The following RAB33B variants were observed in gnomAD, a reference collection of about 807,000 sequenced individuals.
RAB33B encodes ras-related protein Rab-33B.
RAB33B carries 6 observed loss-of-function variants against 15.0 expected under a neutral mutation model. The observed-to-expected ratio is 0.40, with a 90% confidence interval of 0.22 to 0.79. The LOEUF (loss-of-function observed/expected upper bound fraction) is 0.79. Ranked by LOEUF, RAB33B falls within the 30% of genes least tolerant of loss-of-function variation. The pLI, the probability that RAB33B is intolerant of heterozygous loss-of-function variation, is 0.37. For missense variants in RAB33B, 257 were observed against 296.4 expected, an observed-to-expected ratio of 0.87 and a Z score of 0.98; for synonymous variants, 117 against 108.3, an observed-to-expected ratio of 1.08 and a Z score of -0.50.
At chr4:139,472,653 T>C (rs1271557649) in intron 1 of RAB33B, 33 bp from the exon 2 acceptor site, 2 of 1,488,338 alleles carry the variant, frequency 1.3e-6, no homozygotes, top group Non-Finnish European at 1.8e-6. Context: ...GGAATGGGAT[T>C]TTCAGTTTTC....
chr4:139,476,010 A>G lies in RAB33B; in HGVS notation c.*2884A>G, dbSNP rs1750495692. On this transcript the variant is annotated 3_prime_UTR_variant, in exon 2 of 2. Coordinates refer to ENST00000305626, the MANE Select transcript of RAB33B (RefSeq NM_031296.3). ...GTTTCCAGATAATATTATATATATG[A>G]TACACTTTTGAAAACAACAAAAAGC... The G allele has an allele frequency of 6.6e-6, 1 of 152,190 alleles. No individual in the cohort carries two copies. Among genetic ancestry groups the G allele is most frequent in the African/African-American group, 2.4e-5 (1 of 41,446 alleles). 9.4% of individuals were successfully genotyped at this position (152,190 alleles called of 1,614,324 possible). A position where few individuals can be genotyped will look rare whatever the true frequency, so the allele number is the denominator to read the frequency against.
chr4:139,460,594 A>G (rs1750153809), intron 1 of RAB33B, among the ~76,000 whole-genome samples: 1 of 152,218 alleles, frequency 6.6e-6, no homozygotes, highest in South Asian at 2.1e-4. Flanking sequence ...TTGATACTTT[A>G]TTTCTTAAAA....
chr4:139,438,484 T>C, the RAB33B span, among the ~76,000 whole-genome samples: 17 of 152,138 alleles, frequency 1.1e-4, 1 homozygote, highest in Admixed American at 6.5e-5. Flanking sequence ...AAAGACTAGA[T>C]AGGCATGTAC....
At chr4:139,460,993 G>T (rs1209368812) in intron 1 of RAB33B, among the ~76,000 whole-genome samples, 4 of 152,200 alleles carry the variant, frequency 2.6e-5, no homozygotes, top group Non-Finnish European at 4.4e-5. Flanking sequence ...GGTGAGAAGA[G>T]AATTACTTAC....
Position 139,472,823 on chromosome 4 carries a change from A to G in RAB33B, c.387A>G (p.Ile129Met), listed in dbSNP as rs200395089. The change falls in exon 2 of 2, where the codon ATA becomes ATG. Residue 129 changes from isoleucine (I) to methionine (M), a missense_variant. Coordinates refer to ENST00000305626, the MANE Select transcript of RAB33B (RefSeq NM_031296.3). ...GTTTTCATAGCCTACCATCTTGGATAGAAGAATGCAAACAACATTTGCTAG... is the reference window on the plus strand; with the variant it reads ...GTTTTCATAGCCTACCATCTTGGATGGAAGAATGCAAACAACATTTGCTAG... ...MASFHSLPSW[I>M]EECKQHLLAN... is the part of the protein sequence containing the mutation. The G allele has an allele frequency of 2.1e-5, 34 of 1,614,210 alleles. No homozygotes were observed. In the African/African-American group the frequency reaches 4.3e-4, roughly 20 times the overall value.
intron 1 of RAB33B, among the ~76,000 whole-genome samples, chr4:139,466,700 T>C (rs910690332): frequency 5.3e-5 from 8 of 151,880 alleles, no homozygotes; most frequent in Admixed American, 2.6e-4. Flanking sequence ...TGCCTCAGAC[T>C]CCCAAGTAGC....
the RAB33B span, among the ~76,000 whole-genome samples, chr4:139,446,011 A>G: frequency 5.9e-5 from 9 of 152,178 alleles, no homozygotes; most frequent in Admixed American, 3.3e-4. Context: ...TGAACTGACT[A>G]TCATTAACTG....
chr4:139,453,514 G>A (rs1440770718), upstream of RAB33B: 1 of 152,412 alleles, frequency 6.6e-6, no homozygotes, highest in Admixed American at 6.5e-5. Context: ...CACCCATCTA[G>A]CCCTGGCCGC....
chr4:139,471,574 C>T (rs982716848), intron 1 of RAB33B, among the ~76,000 whole-genome samples: 12 of 141,696 alleles, frequency 8.5e-5, no homozygotes, highest in Admixed American at 8.1e-4. Flanking sequence ...GGTGTCCTTG[C>T]GGGGCAGTTG....
intron 1 of RAB33B, among the ~76,000 whole-genome samples, chr4:139,470,802 GC>G (rs1375191484): frequency 6.6e-6 from 1 of 152,008 alleles, no homozygotes; most frequent in Non-Finnish European, 1.5e-5. Context: ...GTTCCCTTCT[GC>G]CCAAGGTGTA....
At chr4:139,438,770 T>G in the RAB33B span, among the ~76,000 whole-genome samples, 1 of 152,248 alleles carries the variant, frequency 6.6e-6, no homozygotes, top group Non-Finnish European at 1.5e-5. Context: ...AAACAAAAAG[T>G]GGAGTTACAT....
chr4:139,469,992 T>C (rs1042846220), intron 1 of RAB33B, among the ~76,000 whole-genome samples: 1 of 152,180 alleles, frequency 6.6e-6, no homozygotes, highest in African/African-American at 2.4e-5. Flanking sequence ...TAGACTGCAC[T>C]AGACCTGAAG....
upstream of RAB33B, chr4:139,452,079 A>T (rs2111063459): frequency 6.6e-6 from 1 of 152,374 alleles, no homozygotes; most frequent in African/African-American, 2.4e-5. Context: ...GTCAAGTGCC[A>T]ACAATGATTT....
chr4:139,445,887 C>A, the RAB33B span, among the ~76,000 whole-genome samples: 1 of 152,096 alleles, frequency 6.6e-6, no homozygotes, highest in African/African-American at 2.4e-5. Flanking sequence ...GGAGCAAGGC[C>A]CTGACATCTT....
rs949702601 is a variant in RAB33B at position 139,476,327 on chromosome 4, A to G, written c.*3201A>G. 1 of 152,228 alleles carries G rather than the reference A, an allele frequency of 6.6e-6. No homozygotes were observed. Among genetic ancestry groups the G allele is most frequent in the Non-Finnish European group, 1.5e-5 (1 of 68,042 alleles). The allele number at this position is 152,228 out of a possible 1,614,324, so 9.4% of individuals were successfully genotyped here. On this transcript the variant is annotated 3_prime_UTR_variant, in exon 2 of 2. Transcript: ENST00000305626. Reference sequence around the variant, plus strand: ...GATTGCAGTTACTGATTTAGACACCATAGGATTAGGGATGTGGGGGCCTCT... The same window carrying G: ...GATTGCAGTTACTGATTTAGACACCGTAGGATTAGGGATGTGGGGGCCTCT...
chr4:139,453,443 C>A (rs975195627), upstream of RAB33B: 3 of 152,398 alleles, frequency 2.0e-5, no homozygotes, highest in African/African-American at 7.2e-5. Flanking sequence ...CTCGCCACGG[C>A]CCAGAGCTCG....
chr4:139,458,205 A>G (rs1750106684), intron 1 of RAB33B, among the ~76,000 whole-genome samples: 1 of 151,834 alleles, frequency 6.6e-6, no homozygotes, highest in Admixed American at 6.6e-5. Flanking sequence ...AGGTGGGAGC[A>G]TTGCTGGAGG....
In RAB33B at chr4:139,457,551, G is replaced by C. The variant is rs376577373; in HGVS notation, c.249+3107G>C. 4.6e-5 allele frequency among the ~76,000 whole-genome samples: 7 copies of C among 152,138 alleles called. No homozygotes were observed. In the East Asian group the frequency reaches 1.3e-3, roughly 29 times the overall value. ...GAAATGAAATGTTCCCATGTTAAGT[G>C]CAAAATGTTAATATTAACTAAAGGA... On this transcript the variant is annotated intron_variant, in intron 1 of 1. Coordinates refer to ENST00000305626, the MANE Select transcript of RAB33B (RefSeq NM_031296.3).
chr4:139,460,596 T>A (rs1750153894), intron 1 of RAB33B, among the ~76,000 whole-genome samples: 1 of 152,222 alleles, frequency 6.6e-6, no homozygotes, highest in Admixed American at 6.5e-5. Flanking sequence ...GATACTTTAT[T>A]TCTTAAAATG....
Sources: allele counts gnomAD v4.1 joint callset (sites outside exome capture counted in the v4.1 genomes callset), GRCh38; gene constraint gnomAD v4.1.1; transcripts MANE v1.5; gene names NCBI Gene and HGNC (gene_info 2026-07-23, HGNC 2026-07-21).